Variants in WWTR1 observed in about 807,000 individuals in gnomAD.
The protein encoded by WWTR1 is WW domain-containing transcription regulator protein 1.
WWTR1 carries 13 observed loss-of-function variants against 40.1 expected under a neutral mutation model. The ratio of observed to expected loss-of-function variants is 0.32; its 90% CI spans 0.21 to 0.52. The LOEUF (loss-of-function observed/expected upper bound fraction) is 0.52. WWTR1 is among the 20% of genes least tolerant of loss of function. The probability of loss-of-function intolerance (pLI) is 0.97; values close to 1 mark genes in which losing one functional copy is unlikely to be tolerated. For missense variants in WWTR1, 436 were observed against 523.1 expected (o/e 0.83, Z 1.63); for synonymous variants, 230 against 210.1 (o/e 1.09, Z -0.82).
intron 2 of WWTR1, among the ~76,000 whole-genome samples, chr3:149,616,374 C>G (rs191566675): frequency 6.6e-6 from 1 of 152,128 alleles, no homozygotes; most frequent in South Asian, 2.1e-4. Flanking sequence ...GTAATGAAAT[C>G]CCCTGGCTAG....
upstream of WWTR1, among the ~76,000 whole-genome samples, chr3:149,662,878 C>T (rs1713645264): frequency 6.6e-6 from 1 of 152,180 alleles, no homozygotes; most frequent in Admixed American, 6.5e-5. Flanking sequence ...TTCGTTAATA[C>T]ACCTACCTGA....
intron 4 of WWTR1, among the ~76,000 whole-genome samples, chr3:149,718,939 C>T (rs553540398): frequency 4.0e-5 from 6 of 151,696 alleles, no homozygotes; most frequent in African/African-American, 1.2e-4. Context: ...GGTTCTCCTG[C>T]CTCAGCCTCC....
intron 2 of WWTR1, among the ~76,000 whole-genome samples, chr3:149,625,930 G>A (rs541501630): frequency 2.6e-5 from 4 of 152,284 alleles, no homozygotes; most frequent in South Asian, 4.1e-4. Context: ...AGCACCCTGA[G>A]TTTACCATTT....
chr3:149,622,576 C>A (rs942792584), intron 2 of WWTR1, among the ~76,000 whole-genome samples: 1 of 151,988 alleles, frequency 6.6e-6, no homozygotes, highest in Non-Finnish European at 1.5e-5. Flanking sequence ...TGCGTCCAGG[C>A]GCAGTGGCTC....
intron 2 of WWTR1, among the ~76,000 whole-genome samples, chr3:149,580,966 T>C (rs1738130746): frequency 6.6e-6 from 1 of 152,202 alleles, no homozygotes; most frequent in South Asian, 2.1e-4. Context: ...CTTAACGTTA[T>C]CAGTCTATTT....
intron 4 of WWTR1, among the ~76,000 whole-genome samples, chr3:149,541,611 T>A (rs933298110): frequency 6.6e-6 from 1 of 150,928 alleles, no homozygotes; most frequent in African/African-American, 2.4e-5. Context: ...TCTCGGGGGG[T>A]TCTCTGTGAC....
intron 2 of WWTR1, among the ~76,000 whole-genome samples, chr3:149,613,262 A>T (rs1739815559): frequency 6.6e-6 from 1 of 152,174 alleles, no homozygotes; most frequent in Non-Finnish European, 1.5e-5. Flanking sequence ...TGAAAGCCTA[A>T]CACAGCTTAG....
At chr3:149,536,816 G>A (rs1365569130) in intron 4 of WWTR1, among the ~76,000 whole-genome samples, 6 of 152,024 alleles carry the variant, frequency 3.9e-5, no homozygotes, top group African/African-American at 1.5e-4. Flanking sequence ...ATTTGCTTTG[G>A]GAATAATGAT....
At chr3:149,686,988 C>T (rs893702398) in intron 1 of WWTR1, among the ~76,000 whole-genome samples, 3 of 152,128 alleles carry the variant, frequency 2.0e-5, no homozygotes, top group Non-Finnish European at 2.9e-5. Context: ...AGGTCAGTTA[C>T]CTTTTGCCCT....
rs922184507 is a variant in WWTR1, at chr3:149,604,219, T to A, written c.432-31219A>T. Among the ~76,000 whole-genome samples, 60 of 152,164 alleles carry A rather than the reference T, an allele frequency of 3.9e-4. 1 individual carries two copies. Among genetic ancestry groups the A allele is most frequent in the Admixed American group, 3.9e-3 (59 of 15,274 alleles). ...ACCTGAGACCTAGAAGTTAAATAAC[T>A]GGCTTAAAATCACACTGCCAACACT... On this transcript the variant is annotated intron_variant, in intron 2 of 6. Transcript: ENST00000360632.
intron 2 of WWTR1, among the ~76,000 whole-genome samples, chr3:149,630,731 T>C (rs79175491): frequency 1.6e-3 from 242 of 152,304 alleles, no homozygotes; most frequent in Non-Finnish European, 3.0e-3. Flanking sequence ...GGTTAATAAC[T>C]CAGATGATTA....
chr3:149,527,015 T>C (rs1308352378), intron 5 of WWTR1, among the ~76,000 whole-genome samples: 2 of 152,230 alleles, frequency 1.3e-5, no homozygotes, highest in Non-Finnish European at 2.9e-5. Flanking sequence ...CATGTACCCT[T>C]CACCAGCTTC....
chr3:149,622,975 G>A (rs1338749211), intron 2 of WWTR1, among the ~76,000 whole-genome samples: 2 of 152,108 alleles, frequency 1.3e-5, no homozygotes, highest in Non-Finnish European at 2.9e-5. Context: ...TATCCCCATC[G>A]AAATTTATGG....
At chr3:149,704,920 T>C (rs1412274788), upstream of WWTR1, among the ~76,000 whole-genome samples, 1 of 150,250 alleles carries the variant, frequency 6.7e-6, no homozygotes, top group African/African-American at 2.4e-5. Flanking sequence ...AAACAAAGTC[T>C]TGAGAATATG....
intron 1 of WWTR1, among the ~76,000 whole-genome samples, chr3:149,684,334 A>T (rs1473810004): frequency 1.3e-5 from 2 of 152,172 alleles, no homozygotes; most frequent in African/African-American, 4.8e-5. Context: ...CTTTGAAAAG[A>T]TATAAATGAT....
chr3:149,553,125 A>G (rs1222038472), intron 3 of WWTR1, among the ~76,000 whole-genome samples: 1 of 152,296 alleles, frequency 6.6e-6, no homozygotes, highest in East Asian at 1.9e-4. Flanking sequence ...CAGTTATTTT[A>G]GAGATGAAGA....
intron 2 of WWTR1, among the ~76,000 whole-genome samples, chr3:149,609,136 G>A (rs1739620140): frequency 6.6e-6 from 1 of 152,138 alleles, no homozygotes; most frequent in South Asian, 2.1e-4. Context: ...AAGTCATCTA[G>A]TCCAACTTCA....
In WWTR1 at chr3:149,656,860, C is replaced by A; in HGVS notation, c.431+16G>T. ...CACTGTGACTTGGTGCCTTCTTCGG[C>A]TCCAGGCTGACTTACTTGAGGAAGT... On this transcript the variant is annotated intron_variant, in intron 2 of 6. Transcript: ENST00000360632. 2.7e-6 allele frequency: 4 copies of A among 1,507,278 alleles called. No homozygotes were observed. 93.4% of individuals were successfully genotyped at this position (1,507,278 alleles called of 1,614,324 possible).
intron 2 of WWTR1, among the ~76,000 whole-genome samples, chr3:149,665,969 CA>C (rs1296562546): frequency 5.3e-5 from 8 of 152,236 alleles, no homozygotes; most frequent in African/African-American, 1.9e-4. Flanking sequence ...TCCATCCATT[CA>C]ACAAATACGG....
Sources: gnomAD v4.1 joint callset for allele counts (sites outside exome capture counted in the v4.1 genomes callset) on GRCh38, gnomAD v4.1.1 for gene constraint, MANE v1.5 for transcripts, NCBI Gene and HGNC (gene_info 2026-07-23, HGNC 2026-07-21) for gene names.